SLIT2: variants seen among roughly 807,000 people sequenced by gnomAD.
SLIT2 encodes the protein slit homolog 2 protein.
Under a neutral mutation model 185.7 loss-of-function variants are expected in SLIT2, and 41 were observed. That is an observed-to-expected ratio of 0.22 (90% confidence interval 0.17 to 0.29). The LOEUF (loss-of-function observed/expected upper bound fraction) is 0.29. Ranked by LOEUF, SLIT2 falls within the 10% of genes least tolerant of loss-of-function variation. The pLI is 1.00. For missense variants in SLIT2, 1,571 were observed against 1,909.0 expected (o/e 0.82, Z 3.30); for synonymous variants, 693 against 680.2 (o/e 1.02, Z -0.29).
chr4:20,486,416 T>C (rs1265605142), intron 7 of SLIT2, 145 bp downstream of exon 7: 1 of 576,558 alleles, frequency 1.7e-6, no homozygotes, highest in African/African-American at 1.9e-5. Flanking sequence ...GATATGATAT[T>C]TGTGGGAATG....
At chr4:20,401,152 C>T (rs1169139925) in intron 4 of SLIT2, among the ~76,000 whole-genome samples, 1 of 151,764 alleles carries the variant, frequency 6.6e-6, no homozygotes, top group Non-Finnish European at 1.5e-5. Flanking sequence ...AGTCAGAAAG[C>T]CTGATAGAAA....
Position 20,539,426 on chromosome 4 carries a change from T to C in SLIT2, c.1833-15T>C, listed in dbSNP as rs200148097. On this transcript the variant is annotated splice_polypyrimidine_tract_variant and intron_variant, in intron 18 of 36. Transcript: ENST00000504154. ...ATGCTTTGTCTCCATAACAATGTCCTTTTTTTCCCCTCAGGATGTTGAGAA... is the reference window on the plus strand; with the variant it reads ...ATGCTTTGTCTCCATAACAATGTCCCTTTTTTCCCCTCAGGATGTTGAGAA... 46 of 1,594,610 alleles carry C rather than the reference T, an allele frequency of 2.9e-5. No homozygotes were observed. The highest frequency in any genetic ancestry group is 3.8e-5 in the Non-Finnish European group (44 of 1,169,112).
At position 20,601,970 on chromosome 4, in the gene SLIT2, T is replaced by C. The variant is rs185268183; in HGVS notation, c.3692+3575T>C. Among the ~76,000 whole-genome samples, 382 of 152,328 alleles carry C rather than the reference T, an allele frequency of 2.5e-3. 3 individuals carry two copies. The highest frequency in any genetic ancestry group is 8.9e-3 in the African/African-American group (372 of 41,588). ...TTATACCTCAGGTGCATCATTTCAA[T>C]TGCCTGCTTAATTCTCCACATTGAA... is the stretch of plus-strand genomic sequence containing the variant. On this transcript the variant is annotated intron_variant, in intron 33 of 36. Coordinates refer to ENST00000504154, the MANE Select transcript of SLIT2 (RefSeq NM_004787.4).
At chr4:20,618,193 C>T (rs775978799) in intron 36 of SLIT2, among the ~76,000 whole-genome samples, 3 of 152,144 alleles carry the variant, frequency 2.0e-5, no homozygotes, top group Non-Finnish European at 4.4e-5. Flanking sequence ...CCTTTGTCTG[C>T]GTGATCAGAG....
In SLIT2 at chr4:20,467,813, A is replaced by G. The variant is rs1024489989; in HGVS notation, c.457A>G (p.Ile153Val). The G allele has an allele frequency of 2.5e-6, 4 of 1,580,746 alleles. No homozygotes were observed. The highest frequency in any genetic ancestry group is 2.7e-5 in the African/African-American group (2 of 74,120). The change falls in exon 5 of 37, where the codon ATA (isoleucine) becomes GTA (valine). Residue 153 changes from isoleucine (I) to valine (V), a missense_variant. By Grantham distance (29) the Ile-to-Val change is conservative. Transcript: ENST00000504154. The stretch of plus-strand genomic sequence containing the variant: ...GAAAGCTTTCCGTGGGGCAGTTGAC[A>G]TAAAAAATTTGTAAGTATCTATTTT... ...PRKAFRGAVD[I>V]KNLQLDYNQI... is the part of the protein sequence containing the mutation.
chr4:20,565,378 G>T (rs561966916), intron 26 of SLIT2, among the ~76,000 whole-genome samples: 1 of 152,088 alleles, frequency 6.6e-6, no homozygotes, highest in South Asian at 2.1e-4. Context: ...TAAGGGATCT[G>T]CTAGCAATGA....
intron 4 of SLIT2, among the ~76,000 whole-genome samples, chr4:20,399,776 A>G (rs2109394270): frequency 6.6e-6 from 1 of 151,892 alleles, no homozygotes; most frequent in South Asian, 2.1e-4. Context: ...CTAGAACTTT[A>G]TCACACAAAA....
chr4:20,464,761 C>T (rs186975857), intron 4 of SLIT2, among the ~76,000 whole-genome samples: 43 of 152,304 alleles, frequency 2.8e-4, no homozygotes, highest in Admixed American at 1.5e-3. Context: ...CCTGCCCATC[C>T]GCTTTTATGT....
At chr4:20,368,219 C>CAAAAAAAAAAAAAAAGAAAAAA (rs1723279346) in intron 4 of SLIT2, among the ~76,000 whole-genome samples, 5 of 107,416 alleles carry the variant, frequency 4.7e-5, no homozygotes, top group Non-Finnish European at 7.4e-5. Flanking sequence ...CACAAAATAG[C>CAAAAAAAAAAAAAAAGAAAAAA]AAAAAAAAAA....
At chr4:20,383,886 G>C (rs980133253) in intron 4 of SLIT2, among the ~76,000 whole-genome samples, 1 of 151,740 alleles carries the variant, frequency 6.6e-6, no homozygotes, top group Non-Finnish European at 1.5e-5. Flanking sequence ...TAGTATTTTT[G>C]ATAGAGATGG....
At chr4:20,271,832 C>T (rs1321560792) in intron 4 of SLIT2, among the ~76,000 whole-genome samples, 3 of 151,952 alleles carry the variant, frequency 2.0e-5, no homozygotes, top group South Asian at 2.1e-4. Context: ...AATAAATAAT[C>T]GCCCTTTGAC....
chr4:20,460,112 C>T (rs1172848862), intron 4 of SLIT2, among the ~76,000 whole-genome samples: 1 of 152,078 alleles, frequency 6.6e-6, no homozygotes, highest in Non-Finnish European at 1.5e-5. Context: ...GATCCACCCA[C>T]CTCAGCCTCC....
chr4:20,302,874 G>A (rs1037717169), intron 4 of SLIT2, among the ~76,000 whole-genome samples: 6 of 152,108 alleles, frequency 3.9e-5, no homozygotes, highest in African/African-American at 7.2e-5. Flanking sequence ...TGTATATGAC[G>A]TGGAACTTTC....
chr4:20,511,639 A>G (rs1025205195), intron 11 of SLIT2, among the ~76,000 whole-genome samples: 1 of 138,574 alleles, frequency 7.2e-6, no homozygotes, highest in Non-Finnish European at 1.5e-5. Context: ...AATGTTAGCC[A>G]GGATGGTCTG....
intron 7 of SLIT2, among the ~76,000 whole-genome samples, chr4:20,488,365 C>T (rs540489246): frequency 1.2e-4 from 18 of 152,280 alleles, no homozygotes; most frequent in South Asian, 1.0e-3. Flanking sequence ...AAGTGTCCTG[C>T]TGCAAAGGTT....
intron 4 of SLIT2, among the ~76,000 whole-genome samples, chr4:20,395,329 T>G (rs1725806421): frequency 6.6e-6 from 1 of 151,888 alleles, no homozygotes; most frequent in African/African-American, 2.4e-5. Flanking sequence ...GTTAGGGAAA[T>G]TTAACTTCTT....
chr4:20,351,120 C>T (rs1721836937), intron 4 of SLIT2, among the ~76,000 whole-genome samples: 1 of 151,420 alleles, frequency 6.6e-6, no homozygotes. Flanking sequence ...GCAATCTCGG[C>T]TTACTGCAAC....
chr4:20,309,754 CTTTCTTTTTTTTT>C (rs925493400), intron 4 of SLIT2, among the ~76,000 whole-genome samples: 11 of 92,760 alleles, frequency 1.2e-4, no homozygotes, highest in East Asian at 5.1e-4. Context: ...TCTAGTCTTT[CTTTCTTTTTTTTT>C]TTTTTTTTTT....
chr4:20,576,351 A>T (rs556042385), intron 29 of SLIT2, among the ~76,000 whole-genome samples: 1 of 152,250 alleles, frequency 6.6e-6, no homozygotes, highest in Admixed American at 6.5e-5. Context: ...TTGTATGCTC[A>T]CTTCGTATAG....
Sources: gnomAD v4.1 joint callset for allele counts (sites outside exome capture counted in the v4.1 genomes callset) on GRCh38, gnomAD v4.1.1 for gene constraint, MANE v1.5 for transcripts, NCBI Gene and HGNC (gene_info 2026-07-23, HGNC 2026-07-21) for gene names.